SLC35H1: variants seen among roughly 807,000 people sequenced by gnomAD.
The protein encoded by SLC35H1 is ovarian cancer-overexpressed gene 1 protein.
the SLC35H1 span, among the ~76,000 whole-genome samples, chr20:46,358,109 G>A: frequency 6.1e-3 from 931 of 152,274 alleles, 8 homozygotes; most frequent in African/African-American, 0.021. Context: ...TTAAAATATT[G>A]AAATACTTCT....
At chr20:46,359,059 A>T in the SLC35H1 span, 1 of 401,566 alleles carries the variant, frequency 2.5e-6, no homozygotes, top group Admixed American at 3.6e-5. Flanking sequence ...TTCGGCTCCC[A>T]TGGCCTCATC....
At chr20:46,361,684 C>A in the SLC35H1 span, among the ~76,000 whole-genome samples, 1 of 152,228 alleles carries the variant, frequency 6.6e-6, no homozygotes, top group African/African-American at 2.4e-5. Context: ...TTCCCCCCAT[C>A]CCAAGTTGTG....
chr20:46,357,663 C>T, the SLC35H1 span: 1 of 1,614,166 alleles, frequency 6.2e-7, no homozygotes, highest in Non-Finnish European at 8.5e-7. Context: ...CCCAGCTCAG[C>T]ACCACACGGG....
At chr20:46,356,649 C>A in the SLC35H1 span, 1 of 1,612,704 alleles carries the variant, frequency 6.2e-7, no homozygotes, top group South Asian at 1.1e-5. Context: ...TGTGAAGACA[C>A]AGGCACCCAC....
At chr20:46,363,695 C>A in the SLC35H1 span, among the ~76,000 whole-genome samples, 1 of 152,258 alleles carries the variant, frequency 6.6e-6, no homozygotes, top group Non-Finnish European at 1.5e-5. Flanking sequence ...ACTGGTCTAA[C>A]TGGTCTCCCT....
At chr20:46,360,355 G>A in the SLC35H1 span, among the ~76,000 whole-genome samples, 6 of 152,056 alleles carry the variant, frequency 3.9e-5, no homozygotes, top group Non-Finnish European at 8.8e-5. Context: ...AGTGGTTTTC[G>A]AGGTGCGACA....
chr20:46,363,509 TAAGCCAA>T, the SLC35H1 span, among the ~76,000 whole-genome samples: 1 of 152,256 alleles, frequency 6.6e-6, no homozygotes, highest in Non-Finnish European at 1.5e-5. Context: ...CTTGGTTACT[TAAGCCAA>T]AACCAAAAAT....
the SLC35H1 span, among the ~76,000 whole-genome samples, chr20:46,360,797 G>A: frequency 2.6e-4 from 39 of 152,318 alleles, no homozygotes; most frequent in South Asian, 6.2e-4. Context: ...TGATCCGCCC[G>A]CCTTGCCTCC....
the SLC35H1 span, among the ~76,000 whole-genome samples, chr20:46,362,535 T>C: frequency 2.0e-5 from 3 of 152,314 alleles, no homozygotes; most frequent in East Asian, 5.8e-4. Context: ...CCTAAGTTAC[T>C]TGACCTCTGG....
the SLC35H1 span, among the ~76,000 whole-genome samples, chr20:46,351,793 G>T: frequency 6.6e-6 from 1 of 152,236 alleles, no homozygotes; most frequent in Admixed American, 6.5e-5. Context: ...GGCCCCTGCT[G>T]TGCCCTTGGG....
the SLC35H1 span, chr20:46,350,921 T>C: frequency 4.3e-6 from 7 of 1,612,098 alleles, no homozygotes; most frequent in South Asian, 1.1e-5. Flanking sequence ...GGGAGCATGA[T>C]CAACAGGCAG....
the SLC35H1 span, chr20:46,349,311 TGA>T: frequency 3.9e-5 from 6 of 152,368 alleles, no homozygotes; most frequent in Admixed American, 3.9e-4. Flanking sequence ...CTTCCTCATT[TGA>T]GAGAGGCCTG....
At chr20:46,352,297 A>C in the SLC35H1 span, 1 of 1,365,460 alleles carries the variant, frequency 7.3e-7, no homozygotes, top group African/African-American at 1.4e-5. Flanking sequence ...TGCCAACCAC[A>C]CAAGATCTTC....
chr20:46,360,885 T>A, the SLC35H1 span, among the ~76,000 whole-genome samples: 1 of 152,008 alleles, frequency 6.6e-6, no homozygotes, highest in African/African-American at 2.4e-5. Context: ...GTGTAGGCAG[T>A]TTTTATTAAT....
At chr20:46,358,668 A>C in the SLC35H1 span, 1 of 1,551,864 alleles carries the variant, frequency 6.4e-7, no homozygotes, top group Non-Finnish European at 8.7e-7. Context: ...AACCATCAGC[A>C]GAGCCCCAGG....
chr20:46,350,414 C>T, the SLC35H1 span: 1 of 1,612,848 alleles, frequency 6.2e-7, no homozygotes, highest in Non-Finnish European at 8.5e-7. Flanking sequence ...CCCTGGGCCA[C>T]AAAGTACTCC....
chr20:46,351,041 G>T, the SLC35H1 span: 4 of 1,015,862 alleles, frequency 3.9e-6, no homozygotes, highest in Non-Finnish European at 5.7e-6. Context: ...GAGGTCAGGG[G>T]ACCCGGCCGG....
the SLC35H1 span, chr20:46,356,473 T>C: frequency 8.6e-7 from 1 of 1,158,096 alleles, no homozygotes; most frequent in South Asian, 1.3e-5. Context: ...GGTCCCAGAG[T>C]GGTGGAGTGG....
chr20:46,358,848 T>G, the SLC35H1 span: 3 of 896,940 alleles, frequency 3.3e-6, no homozygotes, highest in East Asian at 5.3e-5. Context: ...GCTGCGTGAC[T>G]CAGGGCTCTG....
Sources: allele counts gnomAD v4.1 joint callset (sites outside exome capture counted in the v4.1 genomes callset), GRCh38; gene constraint gnomAD v4.1.1; transcripts MANE v1.5; gene names NCBI Gene and HGNC (gene_info 2026-07-23, HGNC 2026-07-21).